Variants in SLC35F4 observed in about 807,000 individuals in gnomAD.
SLC35F4 encodes the protein solute carrier family 35 member F4, also known as chromosome 14 open reading frame 36.
In SLC35F4, 24 loss-of-function variants were observed where a neutral mutation model predicts 44.2. The observed-to-expected ratio is 0.54, with a 90% CI of 0.39 to 0.76. SLC35F4 has a LOEUF of 0.76. Among genes scored for constraint, SLC35F4 ranks in the 30% least tolerant of loss-of-function variants. The pLI, the probability that SLC35F4 is intolerant of heterozygous loss-of-function variation, is 0.00. For missense variants in SLC35F4, 562 were observed against 586.1 expected, an observed-to-expected ratio of 0.96 and a Z score of 0.42; for synonymous variants, 238 against 223.6, an observed-to-expected ratio of 1.06 and a Z score of -0.57.
chr14:57,828,499 A>G (rs1011578507), intron 1 of SLC35F4, among the ~76,000 whole-genome samples: 1 of 152,198 alleles, frequency 6.6e-6, no homozygotes, highest in Non-Finnish European at 1.5e-5. Context: ...GTATATTTTA[A>G]TTTTAAAAAG....
intron 1 of SLC35F4, among the ~76,000 whole-genome samples, chr14:57,969,174 T>C (rs1287742896): frequency 1.3e-5 from 2 of 152,316 alleles, no homozygotes; most frequent in South Asian, 4.1e-4. Flanking sequence ...CTGGCCCTGG[T>C]CCAGTCCATC....
intron 1 of SLC35F4, among the ~76,000 whole-genome samples, chr14:57,971,603 T>C (rs1462982377): frequency 6.6e-6 from 1 of 152,194 alleles, no homozygotes; most frequent in Admixed American, 6.5e-5. Context: ...TGGATGAACC[T>C]GGAGGACTAT....
chr14:57,880,066 AAGGAAGGAAGGAAG>A (rs1888495536), intron 1 of SLC35F4, among the ~76,000 whole-genome samples: 1 of 117,772 alleles, frequency 8.5e-6, no homozygotes, highest in Admixed American at 8.0e-5. Flanking sequence ...GGAAGGAAGG[AAGGAAGGAAGGAAG>A]GAAGGAAGGA....
chr14:57,773,817 G>A (rs1304886274), intron 1 of SLC35F4, among the ~76,000 whole-genome samples: 9 of 152,130 alleles, frequency 5.9e-5, no homozygotes. Context: ...GAATCCCTCA[G>A]AAGTTCGTAC....
chr14:57,912,051 CAAAT>C (rs999623246), intron 1 of SLC35F4, among the ~76,000 whole-genome samples: 5 of 152,026 alleles, frequency 3.3e-5, no homozygotes, highest in African/African-American at 9.6e-5. Context: ...TCTAGGTTGT[CAAAT>C]AAAGTTGTTC....
rs2075123532 is a variant in SLC35F4 at position 57,688,208 on chromosome 14, GAGAC to G, written c.104-94088_104-94085del. Among the ~76,000 whole-genome samples, 6 of 152,194 alleles carry G rather than the reference GAGAC, an allele frequency of 3.9e-5. No homozygotes were observed. The South Asian group carries it at 1.2e-3, about 32-fold the overall frequency. ...AAAGAGAGAGACAGAGGTCATGAGAGAGACAGACAGAGACTGAGAGATAGAGGAA... is the reference window on the plus strand; with the variant it reads ...AAAGAGAGAGACAGAGGTCATGAGAGAGACAGAGACTGAGAGATAGAGGAA... On this transcript the variant is annotated intron_variant, in intron 1 of 7. Transcript: ENST00000556826.
intron 1 of SLC35F4, among the ~76,000 whole-genome samples, chr14:57,650,576 T>C (rs1406723150): frequency 1.3e-5 from 2 of 152,138 alleles, no homozygotes; most frequent in African/African-American, 2.4e-5. Context: ...ACTACGATAA[T>C]CTGCTAATGG....
At chr14:57,883,007 A>AGGAGGAGGAGGAGAGGAGGGGAGG (rs1888569020) in intron 1 of SLC35F4, among the ~76,000 whole-genome samples, 1 of 143,832 alleles carries the variant, frequency 7.0e-6, no homozygotes, top group South Asian at 2.5e-4. Context: ...GGGAGAGAGG[A>AGGAGGAGGAGGAGAGGAGGGGAGG]GGAGGAGGAG....
chr14:57,774,233 G>C (rs750825967), intron 1 of SLC35F4, among the ~76,000 whole-genome samples: 1 of 152,076 alleles, frequency 6.6e-6, no homozygotes, highest in Non-Finnish European at 1.5e-5. Flanking sequence ...ACCCTGCATG[G>C]GGCTACCACA....
chr14:57,669,530 T>C (rs2074439055), intron 1 of SLC35F4, among the ~76,000 whole-genome samples: 1 of 152,140 alleles, frequency 6.6e-6, no homozygotes, highest in African/African-American at 2.4e-5. Flanking sequence ...ATTGAGATTT[T>C]TTAGCATGAA....
chr14:57,759,520 C>T (rs1377801240), intron 1 of SLC35F4, among the ~76,000 whole-genome samples: 1 of 152,062 alleles, frequency 6.6e-6, no homozygotes, highest in Non-Finnish European at 1.5e-5. Flanking sequence ...ATTGAGGCTG[C>T]CATGAGCTAT....
intron 1 of SLC35F4, among the ~76,000 whole-genome samples, chr14:57,608,764 A>G (rs1211933382): frequency 6.8e-6 from 1 of 147,340 alleles, no homozygotes; most frequent in Admixed American, 6.7e-5. Flanking sequence ...TGTTAAAAAA[A>G]GAAAAGCAGC....
chr14:57,617,659 A>G (rs1478879054), intron 1 of SLC35F4, among the ~76,000 whole-genome samples: 1 of 152,044 alleles, frequency 6.6e-6, no homozygotes, highest in African/African-American at 2.4e-5. Context: ...AAAGCTGGCA[A>G]TTGCAATAGT....
intron 1 of SLC35F4, among the ~76,000 whole-genome samples, chr14:57,655,475 TC>T (rs1326655846): frequency 1.3e-4 from 20 of 152,050 alleles, no homozygotes; most frequent in Non-Finnish European, 2.4e-4. Context: ...TGGAGTCTTA[TC>T]CCATCACTCC....
intron 1 of SLC35F4, among the ~76,000 whole-genome samples, chr14:57,931,129 G>C (rs955619813): frequency 6.6e-6 from 1 of 152,170 alleles, no homozygotes; most frequent in African/African-American, 2.4e-5. Context: ...ACTCACTCAA[G>C]ATTACACCAT....
At position 57,795,690 on chromosome 14, in the gene SLC35F4, A is replaced by C. The variant is rs138861119; in HGVS notation, c.103+70033T>G. Among the ~76,000 whole-genome samples the C allele has an allele frequency of 3.2e-3, 486 of 152,358 alleles. 3 individuals carry two copies. The highest frequency in any genetic ancestry group is 3.8e-3 in the Non-Finnish European group (261 of 68,036). On this transcript the variant is annotated intron_variant, in intron 1 of 7. Coordinates refer to ENST00000556826, the MANE Select transcript of SLC35F4 (RefSeq NM_001306087.2). ...CATGGAAATATAAAGCTGATTTCCAAACAGAATTAAATAAATGAAAATGAT... is the reference window on the plus strand; with the variant it reads ...CATGGAAATATAAAGCTGATTTCCACACAGAATTAAATAAATGAAAATGAT...
intron 1 of SLC35F4, among the ~76,000 whole-genome samples, chr14:57,638,888 A>G (rs1409860871): frequency 6.6e-6 from 1 of 152,108 alleles, no homozygotes; most frequent in African/African-American, 2.4e-5. Flanking sequence ...ATGCAAGCCT[A>G]GAGTTAGGGT....
At chr14:57,874,911 T>C (rs140228533) in intron 1 of SLC35F4, among the ~76,000 whole-genome samples, 11 of 152,302 alleles carry the variant, frequency 7.2e-5, no homozygotes, top group Non-Finnish European at 5.9e-5. Flanking sequence ...GTGTAATCAG[T>C]AACTGACTAC....
At chr14:57,648,744 T>C (rs1450846551) in intron 1 of SLC35F4, among the ~76,000 whole-genome samples, 2 of 152,238 alleles carry the variant, frequency 1.3e-5, no homozygotes, top group African/African-American at 4.8e-5. Context: ...ATCTAAGCTT[T>C]ATGCAAGCTC....
Sources: allele counts gnomAD v4.1 joint callset (sites outside exome capture counted in the v4.1 genomes callset), GRCh38; gene constraint gnomAD v4.1.1; transcripts MANE v1.5; gene names NCBI Gene and HGNC (gene_info 2026-07-23, HGNC 2026-07-21).